The following TMEM132D variants were observed in gnomAD, a reference collection of about 807,000 sequenced individuals.
TMEM132D encodes mature OL transmembrane protein.
TMEM132D carries 21 observed loss-of-function variants against 62.3 expected under a neutral mutation model. The observed-to-expected ratio is 0.34, with a 90% CI of 0.24 to 0.49. The LOEUF is 0.49. Ranked by LOEUF, TMEM132D falls within the 20% of genes least tolerant of loss-of-function variation. TMEM132D has a pLI of 0.99. For synonymous variants in TMEM132D, 621 were observed against 575.6 expected, an observed-to-expected ratio of 1.08 and a Z score of -1.13; for missense variants, 1,346 against 1,402.8, an observed-to-expected ratio of 0.96 and a Z score of 0.65.
rs564057038 is a variant in TMEM132D at position 129,450,820 on chromosome 12, A to G, written c.1115+80239T>C. Among the ~76,000 whole-genome samples the G allele has an allele frequency of 4.9e-5, 7 of 142,454 alleles. No homozygotes were observed. In the South Asian group the frequency reaches 1.3e-3, roughly 27 times the overall value. 93.5% of individuals were successfully genotyped at this position (142,454 alleles called of 152,430 possible). A position where few individuals can be genotyped will look rare whatever the true frequency, so the allele number is the denominator to read the frequency against. On this transcript the variant is annotated intron_variant, in intron 3 of 8. Transcript: ENST00000422113. ...CGCCCAGGCTGGAGTGCAGTGCTGC[A>G]ATCTCAGCTCACTGCAACTTCTGCC...
intron 1 of TMEM132D, among the ~76,000 whole-genome samples, chr12:129,831,675 G>A (rs950784841): frequency 6.6e-5 from 10 of 152,104 alleles, no homozygotes; most frequent in African/African-American, 2.2e-4. Context: ...AGTTTCAGTA[G>A]GAAACAGAGC....
intron 1 of TMEM132D, among the ~76,000 whole-genome samples, chr12:129,760,646 C>CT (rs67750432): frequency 2.7e-5 from 4 of 147,086 alleles, no homozygotes; most frequent in African/African-American, 7.5e-5. Flanking sequence ...TGCGCCCGGA[C>CT]TTTTTTTTTT....
At chr12:129,479,275 G>A (rs901317224) in intron 3 of TMEM132D, among the ~76,000 whole-genome samples, 4 of 152,170 alleles carry the variant, frequency 2.6e-5, no homozygotes, top group Non-Finnish European at 5.9e-5. Context: ...TGTACCATGT[G>A]AAAAAGCTTT....
At chr12:129,714,287 G>C (rs967290711) in intron 1 of TMEM132D, among the ~76,000 whole-genome samples, 1 of 152,174 alleles carries the variant, frequency 6.6e-6, no homozygotes, top group South Asian at 2.1e-4. Flanking sequence ...CATATGCCCT[G>C]GTTAGTTTAT....
intron 5 of TMEM132D, among the ~76,000 whole-genome samples, chr12:129,152,007 A>G (rs1877088072): frequency 6.6e-6 from 1 of 151,296 alleles, no homozygotes; most frequent in Non-Finnish European, 1.5e-5. Context: ...CCTCCCAAGT[A>G]GCTGGGACTA....
chr12:129,700,991 T>C (rs1366535839), intron 1 of TMEM132D, among the ~76,000 whole-genome samples: 1 of 152,126 alleles, frequency 6.6e-6, no homozygotes, highest in African/African-American at 2.4e-5. Context: ...GATAATGGTG[T>C]TTTTATGGGG....
At chr12:129,450,732 CA>C (rs1448161109) in intron 3 of TMEM132D, among the ~76,000 whole-genome samples, 1 of 148,588 alleles carries the variant, frequency 6.7e-6, no homozygotes, top group Non-Finnish European at 1.5e-5. Flanking sequence ...TTTCAGCAAC[CA>C]AAAGTTTCCA....
chr12:129,085,302 C>T (rs997422795), intron 5 of TMEM132D: 2 of 152,764 alleles, frequency 1.3e-5, no homozygotes, highest in Non-Finnish European at 2.9e-5. Flanking sequence ...GACCACTTTC[C>T]CCTGCAGGCA....
At chr12:129,291,803 G>A (rs1302556786) in intron 4 of TMEM132D, among the ~76,000 whole-genome samples, 2 of 152,146 alleles carry the variant, frequency 1.3e-5, no homozygotes, top group African/African-American at 4.8e-5. Context: ...GGCTATTGAG[G>A]TTCAGAGAAA....
intron 2 of TMEM132D, among the ~76,000 whole-genome samples, chr12:129,552,503 AT>A (rs1876927912): frequency 6.6e-6 from 1 of 152,032 alleles, no homozygotes; most frequent in South Asian, 2.1e-4. Flanking sequence ...ATCATCTATT[AT>A]CTGTCATCTA....
intron 3 of TMEM132D, among the ~76,000 whole-genome samples, chr12:129,415,880 G>C (rs1415099177): frequency 6.6e-6 from 1 of 152,108 alleles, no homozygotes; most frequent in Non-Finnish European, 1.5e-5. Flanking sequence ...TCTCCTTTGG[G>C]GAGTTCAGAT....
At chr12:129,123,984 GACTTCTC>G (rs1876139200) in intron 5 of TMEM132D, among the ~76,000 whole-genome samples, 1 of 152,112 alleles carries the variant, frequency 6.6e-6, no homozygotes. Context: ...AGGATCATGG[GACTTCTC>G]AGCCTCCATA....
At chr12:129,173,531 T>C (rs1471868314) in intron 5 of TMEM132D, among the ~76,000 whole-genome samples, 3 of 152,336 alleles carry the variant, frequency 2.0e-5, no homozygotes, top group Admixed American at 1.3e-4. Context: ...ATCTGATGAG[T>C]GGATGATCTT....
intron 3 of TMEM132D, among the ~76,000 whole-genome samples, chr12:129,361,221 G>A (rs1870239493): frequency 6.6e-6 from 1 of 152,232 alleles, no homozygotes; most frequent in Admixed American, 6.5e-5. Flanking sequence ...AGGTGAGCTT[G>A]CATGGACAGC....
chr12:129,093,578 A>G (rs1225701194), intron 5 of TMEM132D, among the ~76,000 whole-genome samples: 1 of 152,244 alleles, frequency 6.6e-6, no homozygotes, highest in African/African-American at 2.4e-5. Flanking sequence ...ATGGGTAGGA[A>G]GAATCAATAT....
At chr12:129,395,214 A>AT (rs1279318054) in intron 3 of TMEM132D, among the ~76,000 whole-genome samples, 2 of 152,182 alleles carry the variant, frequency 1.3e-5, no homozygotes, top group East Asian at 3.9e-4. Context: ...GTTTGACAGT[A>AT]TTAAGGATAG....
At chr12:129,388,933 A>G (rs1338590756) in intron 3 of TMEM132D, among the ~76,000 whole-genome samples, 1 of 134,000 alleles carries the variant, frequency 7.5e-6, no homozygotes, top group East Asian at 2.0e-4. Flanking sequence ...TACTAACACC[A>G]ACACCAATCC....
At chr12:129,707,181 C>T (rs1881526256) in intron 1 of TMEM132D, among the ~76,000 whole-genome samples, 1 of 147,126 alleles carries the variant, frequency 6.8e-6, no homozygotes, top group South Asian at 2.1e-4. Flanking sequence ...TATACTATAT[C>T]TATAATAACA....
intron 1 of TMEM132D, among the ~76,000 whole-genome samples, chr12:129,726,933 C>T (rs1048541228): frequency 1.3e-5 from 2 of 152,168 alleles, no homozygotes; most frequent in Admixed American, 1.3e-4. Context: ...TCAACTGTGG[C>T]TGTGTGCTGG....
Sources: allele counts gnomAD v4.1 joint callset (sites outside exome capture counted in the v4.1 genomes callset), GRCh38; gene constraint gnomAD v4.1.1; transcripts MANE v1.5; gene names NCBI Gene and HGNC (gene_info 2026-07-23, HGNC 2026-07-21).